Variants in SH3GLB1 observed in about 807,000 individuals in gnomAD.
SH3GLB1 encodes the protein endophilin-B1.
SH3GLB1 carries 17 observed loss-of-function variants against 42.0 expected under a neutral mutation model. The observed-to-expected ratio is 0.40, with a 90% CI of 0.28 to 0.61. The LOEUF (loss-of-function observed/expected upper bound fraction) is 0.61. Ranked by LOEUF, SH3GLB1 falls within the 20% of genes least tolerant of loss-of-function variation. The pLI, the probability that SH3GLB1 is intolerant of heterozygous loss-of-function variation, is 0.36. For synonymous variants in SH3GLB1, 132 were observed against 146.6 expected, an observed-to-expected ratio of 0.90 and a Z score of 0.72; for missense variants, 355 against 426.3, an observed-to-expected ratio of 0.83 and a Z score of 1.47.
At chr1:86,719,881 A>G (rs1654767449) in intron 3 of SH3GLB1, among the ~76,000 whole-genome samples, 1 of 151,436 alleles carries the variant, frequency 6.6e-6, no homozygotes, top group Admixed American at 6.6e-5. Flanking sequence ...CTGTAGTCCC[A>G]GCTACTTGGG....
intron 4 of SH3GLB1, among the ~76,000 whole-genome samples, chr1:86,722,887 T>A (rs1654946779): frequency 6.6e-6 from 1 of 152,220 alleles, no homozygotes; most frequent in South Asian, 2.1e-4. Context: ...GTTATTGAGA[T>A]GCCTTTATCC....
intron 7 of SH3GLB1, among the ~76,000 whole-genome samples, chr1:86,739,179 TAG>T (rs1450298444): frequency 1.3e-5 from 2 of 152,170 alleles, no homozygotes; most frequent in Non-Finnish European, 2.9e-5. Flanking sequence ...ATTAGATAAT[TAG>T]AGAGTTGTCA....
rs374106896 is a variant in SH3GLB1 at position 86,744,840 on chromosome 1, ATTC to A, written c.*1610_*1612del. ...CTTTTATTTCTGTGCCATGAGACAA[ATTC>A]TTCTGCAGTTTTATAGTTGTACAAG... On this transcript the variant is annotated 3_prime_UTR_variant, in exon 9 of 9. Transcript: ENST00000370558. 1.1e-4 allele frequency: 16 copies of A among 152,310 alleles called. No individual in the cohort carries two copies. Among genetic ancestry groups the A allele is most frequent in the East Asian group, 1.9e-4 (1 of 5,194 alleles). 9.4% of individuals were successfully genotyped at this position (152,310 alleles called of 1,614,324 possible).
At chr1:86,730,247 G>A in intron 5 of SH3GLB1, 1 of 1,391,558 alleles carries the variant, frequency 7.2e-7, no homozygotes, top group Non-Finnish European at 9.4e-7. Flanking sequence ...GAAAATGAGG[G>A]ATATGTTCAG....
intron 5 of SH3GLB1, among the ~76,000 whole-genome samples, chr1:86,732,207 C>G (rs1655547895): frequency 6.6e-6 from 1 of 152,174 alleles, no homozygotes; most frequent in Non-Finnish European, 1.5e-5. Flanking sequence ...AAATTTAGGG[C>G]TTACAGATAC....
At chr1:86,721,725 A>T (rs1263007855) in intron 3 of SH3GLB1, among the ~76,000 whole-genome samples, 1 of 152,166 alleles carries the variant, frequency 6.6e-6, no homozygotes, top group African/African-American at 2.4e-5. Flanking sequence ...ACAAATTGTG[A>T]CTTGATCTCT....
Position 86,747,768 on chromosome 1 carries a change from C to G in SH3GLB1, c.*4533C>G, listed in dbSNP as rs577251032. ...AGTATCAGAAACCATGTGTACATCCCTGTGCCTCTTAGATTGCTAAGTTCT... is the reference window on the plus strand; with the variant it reads ...AGTATCAGAAACCATGTGTACATCCGTGTGCCTCTTAGATTGCTAAGTTCT... On this transcript the variant is annotated 3_prime_UTR_variant, in exon 9 of 9. Transcript: ENST00000370558. 6 of 152,228 alleles carry G rather than the reference C, an allele frequency of 3.9e-5. No homozygotes were observed. Among genetic ancestry groups the G allele is most frequent in the Non-Finnish European group, 7.3e-5 (5 of 68,042 alleles). 9.4% of individuals were successfully genotyped at this position (152,228 alleles called of 1,614,324 possible). A position where few individuals can be genotyped will look rare whatever the true frequency, so the allele number is the denominator to read the frequency against.
Position 86,742,305 on chromosome 1 carries a change from A to G in SH3GLB1, c.859A>G (p.Thr287Ala). 3 of 1,614,154 alleles carry G rather than the reference A, an allele frequency of 1.9e-6. No individual in the cohort carries two copies. The highest frequency in any genetic ancestry group is 2.5e-6 in the Non-Finnish European group (3 of 1,180,026). ...NAIGSSAMAS[T>A]SGLVITSPSN... ...GATTGGTTCTTCTGCCATGGCTTCA[A>G]CAAGTGGCCTAGTAATCACCTCTCC... Residue 287 changes from threonine (T) to alanine (A), a missense_variant, in exon 8 of 9, where the codon ACA (threonine) becomes GCA (alanine). Coordinates refer to ENST00000370558, the MANE Select transcript of SH3GLB1 (RefSeq NM_016009.5).
intron 4 of SH3GLB1, among the ~76,000 whole-genome samples, chr1:86,723,433 G>GA: frequency 1.3e-5 from 2 of 152,256 alleles, no homozygotes; most frequent in South Asian, 4.1e-4. Context: ...AGAATTGCTT[G>GA]AACCCTGGAG....
At chr1:86,710,517 AGCCTCCCAAAG>A (rs1654150766) in intron 1 of SH3GLB1, among the ~76,000 whole-genome samples, 5 of 152,158 alleles carry the variant, frequency 3.3e-5, no homozygotes, top group Admixed American at 3.3e-4. Context: ...CACCCGCCTC[AGCCTCCCAAAG>A]TGCTGGGATT....
rs1381006459 is a variant in SH3GLB1 at position 86,746,280 on chromosome 1, A to G, written c.*3045A>G. ...ACAATGGAGGGCAAGGCAAAAACCC[A>G]CAGACTTGTTTACCCATAGAGGCCC... On this transcript the variant is annotated 3_prime_UTR_variant, in exon 9 of 9. Transcript: ENST00000370558. 1 of 152,196 alleles carries G rather than the reference A, an allele frequency of 6.6e-6. No homozygotes were observed. Among genetic ancestry groups the G allele is most frequent in the Non-Finnish European group, 1.5e-5 (1 of 68,026 alleles). The allele number at this position is 152,196 out of a possible 1,614,324, so 9.4% of individuals were successfully genotyped here. A position where few individuals can be genotyped will look rare whatever the true frequency, so the allele number is the denominator to read the frequency against.
intron 1 of SH3GLB1, among the ~76,000 whole-genome samples, chr1:86,710,494 A>C (rs1654146300): frequency 6.6e-6 from 1 of 152,034 alleles, no homozygotes; most frequent in Admixed American, 6.5e-5. Context: ...CGAACTCCTG[A>C]TCTCAGGTGA....
At chr1:86,705,236 A>C (rs1159779439) in intron 1 of SH3GLB1, among the ~76,000 whole-genome samples, 1 of 152,056 alleles carries the variant, frequency 6.6e-6, no homozygotes, top group Non-Finnish European at 1.5e-5. Context: ...GGGAACACTA[A>C]GGCTGCACTG....
At chr1:86,741,620 TGTG>T (rs1558340682) in intron 7 of SH3GLB1, among the ~76,000 whole-genome samples, 2 of 152,276 alleles carry the variant, frequency 1.3e-5, no homozygotes, top group East Asian at 3.9e-4. Context: ...CTTCTCACTA[TGTG>T]TATGTCCTTA....
At chr1:86,725,288 G>A (rs565520522) in intron 5 of SH3GLB1, among the ~76,000 whole-genome samples, 1 of 151,974 alleles carries the variant, frequency 6.6e-6, no homozygotes, top group African/African-American at 2.4e-5. Context: ...AACCAACAGT[G>A]GCAGTATGGA....
At position 86,707,406 on chromosome 1, in the gene SH3GLB1, A is replaced by C. The variant is rs147318512; in HGVS notation, c.72+2435A>C. Among the ~76,000 whole-genome samples the C allele has an allele frequency of 6.6e-3, 1,007 of 152,342 alleles. 7 individuals are homozygous for C. Among genetic ancestry groups the C allele is most frequent in the Middle Eastern group, 0.024 (7 of 294 alleles). ...TACACGTAAAAGGCGATTGTAACTTAGATTACAGTGGTAGCAGTGAAGGTT... is the reference window on the plus strand; with the variant it reads ...TACACGTAAAAGGCGATTGTAACTTCGATTACAGTGGTAGCAGTGAAGGTT... On this transcript the variant is annotated intron_variant, in intron 1 of 8. Transcript: ENST00000370558.
At chr1:86,730,813 T>G (rs1048740726) in intron 5 of SH3GLB1, among the ~76,000 whole-genome samples, 5 of 152,208 alleles carry the variant, frequency 3.3e-5, no homozygotes, top group Admixed American at 1.3e-4. Context: ...CAGATGAATT[T>G]TTTAGGTAAC....
intron 1 of SH3GLB1, 144 bp downstream of exon 1, chr1:86,705,115 G>A: frequency 1.8e-6 from 1 of 540,642 alleles, no homozygotes; most frequent in Non-Finnish European, 3.2e-6. Flanking sequence ...GGCGCGGCCT[G>A]GTCCCCTCCC....
At chr1:86,737,581 T>A (rs1262445806) in intron 7 of SH3GLB1, among the ~76,000 whole-genome samples, 1 of 152,204 alleles carries the variant, frequency 6.6e-6, no homozygotes, top group African/African-American at 2.4e-5. Flanking sequence ...TATTTCACCC[T>A]TTATCCATCA....
Sources: gnomAD v4.1 joint callset for allele counts (sites outside exome capture counted in the v4.1 genomes callset) on GRCh38, gnomAD v4.1.1 for gene constraint, MANE v1.5 for transcripts, NCBI Gene and HGNC (gene_info 2026-07-23, HGNC 2026-07-21) for gene names.